Variants in FBXW11 observed in about 807,000 individuals in gnomAD.
FBXW11 encodes the protein F-box and WD repeat domain containing 11.
FBXW11 carries 19 observed loss-of-function variants against 77.6 expected under a neutral mutation model. That is an observed-to-expected ratio of 0.24 (90% CI 0.17 to 0.36). The LOEUF is 0.36. Ranked by LOEUF, FBXW11 falls within the 10% of genes least tolerant of loss-of-function variation. FBXW11 has a pLI of 1.00. For missense variants in FBXW11, 334 were observed against 704.2 expected (o/e 0.47, Z 5.95); for synonymous variants, 235 against 249.4 (o/e 0.94, Z 0.54).
intron 2 of FBXW11, among the ~76,000 whole-genome samples, chr5:171,916,842 T>C (rs891073727): frequency 6.6e-6 from 1 of 152,136 alleles, no homozygotes; most frequent in African/African-American, 2.4e-5. Flanking sequence ...CCACCCCATG[T>C]CTCCAGGTAC....
intron 2 of FBXW11, among the ~76,000 whole-genome samples, chr5:171,942,042 A>C (rs73803803): frequency 0.03 from 4,577 of 151,628 alleles, 208 homozygotes; most frequent in African/African-American, 0.1. Context: ...TTATTTTGAG[A>C]TAGTCTCAAG....
chr5:171,972,729 G>C (rs569814798), intron 1 of FBXW11, among the ~76,000 whole-genome samples: 1 of 152,038 alleles, frequency 6.6e-6, no homozygotes. Context: ...ATTTTTAGTA[G>C]AGATGGGGTT....
intron 1 of FBXW11, among the ~76,000 whole-genome samples, chr5:171,984,889 A>G (rs1048473661): frequency 2.4e-4 from 37 of 152,246 alleles, no homozygotes; most frequent in African/African-American, 8.9e-4. Flanking sequence ...ACTAAGCTTT[A>G]CGGTGACGAC....
intron 3 of FBXW11, among the ~76,000 whole-genome samples, chr5:171,911,888 C>A (rs547184596): frequency 3.3e-5 from 5 of 152,194 alleles, no homozygotes; most frequent in Non-Finnish European, 7.4e-5. Context: ...AACAAAATAA[C>A]CTCAATACTT....
intron 6 of FBXW11, among the ~76,000 whole-genome samples, chr5:171,892,672 G>T (rs965597012): frequency 1.3e-5 from 2 of 152,182 alleles, no homozygotes; most frequent in African/African-American, 2.4e-5. Flanking sequence ...CATACCCAGA[G>T]CACCAGAAGA....
rs1561629897 is a variant in FBXW11 at position 171,869,156 on chromosome 5, G to A, written c.1531-360C>T. Among the ~76,000 whole-genome samples, 1 of 152,124 alleles carries A rather than the reference G, an allele frequency of 6.6e-6. No individual in the cohort carries two copies. On this transcript the variant is annotated intron_variant, in intron 12 of 13. Coordinates refer to ENST00000517395, the MANE Select transcript of FBXW11 (RefSeq NM_001378974.1). The surrounding 1 kb of genome is among the most constrained non-coding windows in gnomAD (Gnocchi z 4.1). ...AGACAGTTTGTTTTAACATGACCAG[G>A]ATCTACCTCAAATTGCTGCCAGCAT...
intron 2 of FBXW11, among the ~76,000 whole-genome samples, chr5:171,915,032 G>A (rs1051364436): frequency 2.6e-5 from 4 of 152,220 alleles, no homozygotes; most frequent in Non-Finnish European, 4.4e-5. Flanking sequence ...AAGAGGTACT[G>A]TGTAATTATT....
At chr5:171,965,517 C>T (rs1005761254) in intron 1 of FBXW11, among the ~76,000 whole-genome samples, 1 of 147,260 alleles carries the variant, frequency 6.8e-6, no homozygotes, top group Non-Finnish European at 1.5e-5. Flanking sequence ...CAGAGTGAGA[C>T]TCTTGTCTTT....
chr5:171,949,206 A>C (rs1048675881), intron 2 of FBXW11, among the ~76,000 whole-genome samples: 4 of 152,250 alleles, frequency 2.6e-5, no homozygotes, highest in South Asian at 2.1e-4. Context: ...TTGATGGCTG[A>C]TGATAATAAT....
chr5:171,924,305 G>A (rs1480616699), intron 2 of FBXW11, among the ~76,000 whole-genome samples: 1 of 152,112 alleles, frequency 6.6e-6, no homozygotes, highest in Non-Finnish European at 1.5e-5. Flanking sequence ...CCCAGAGTGA[G>A]AATTTCTATT....
chr5:171,966,871 C>G (rs936705307), intron 1 of FBXW11, among the ~76,000 whole-genome samples: 1 of 152,144 alleles, frequency 6.6e-6, no homozygotes, highest in Non-Finnish European at 1.5e-5. Context: ...ATGGCTATAC[C>G]GTACTCATTA....
intron 2 of FBXW11, among the ~76,000 whole-genome samples, chr5:171,936,094 G>A (rs1261426190): frequency 2.5e-5 from 3 of 121,934 alleles, no homozygotes; most frequent in Non-Finnish European, 3.2e-5. Context: ...CTGGGCAGCA[G>A]AGCTAGACTC....
At position 171,868,469 on chromosome 5, in the gene FBXW11, T is replaced by C; in HGVS notation, c.*25+141A>G. ...TGGATGTGACTATAAAGATCCAGCC[T>C]TACACTTGAACTCTGCAAAAGTTGA... On this transcript the variant is annotated intron_variant, in intron 13 of 13. Coordinates refer to ENST00000517395, the MANE Select transcript of FBXW11 (RefSeq NM_001378974.1). 3.3e-6 allele frequency: 2 copies of C among 597,868 alleles called. 1 individual carries two copies. Among genetic ancestry groups the C allele is most frequent in the South Asian group, 5.3e-5 (2 of 37,728 alleles). 37.0% of individuals were successfully genotyped at this position (597,868 alleles called of 1,614,324 possible).
chr5:172,003,880 C>T (rs191147769), intron 1 of FBXW11, among the ~76,000 whole-genome samples: 24 of 152,278 alleles, frequency 1.6e-4, no homozygotes, highest in African/African-American at 5.8e-4. Flanking sequence ...TTTAATACAG[C>T]ACACTTTGGA....
chr5:171,958,317 C>A (rs1299070637), intron 1 of FBXW11, among the ~76,000 whole-genome samples: 1 of 152,124 alleles, frequency 6.6e-6, no homozygotes, highest in East Asian at 1.9e-4. Context: ...ACTTATATCA[C>A]CCCAACTTTT....
At chr5:171,926,913 C>T (rs1761919796) in intron 2 of FBXW11, among the ~76,000 whole-genome samples, 1 of 152,140 alleles carries the variant, frequency 6.6e-6, no homozygotes, top group Admixed American at 6.5e-5. Context: ...TAGCTACACA[C>T]TTCAGTGCAG....
chr5:171,940,508 G>C (rs996151673), intron 2 of FBXW11, among the ~76,000 whole-genome samples: 1 of 152,098 alleles, frequency 6.6e-6, no homozygotes, highest in African/African-American at 2.4e-5. Context: ...TGGTTCCAAG[G>C]CTGAGAGTGG....
Position 171,911,735 on chromosome 5 carries a change from C to T in FBXW11, c.211-938G>A, listed in dbSNP as rs537316791. On this transcript the variant is annotated intron_variant, in intron 3 of 13. Transcript: ENST00000517395. ...ACAATGCATTTCTCATCAAATCTTCCTACAAGTCCTTACATAAAATCAGTA... is the reference window on the plus strand; with the variant it reads ...ACAATGCATTTCTCATCAAATCTTCTTACAAGTCCTTACATAAAATCAGTA... Among the ~76,000 whole-genome samples the T allele has an allele frequency of 3.8e-4, 58 of 152,292 alleles. 3 individuals carry two copies. The South Asian group carries it at 0.011, about 28-fold the overall frequency.
chr5:171,996,942 T>C, intron 1 of FBXW11: 2 of 1,289,644 alleles, frequency 1.6e-6, no homozygotes, highest in Non-Finnish European at 2.0e-6. Context: ...ATGGGGGTTT[T>C]CCCTTTCAGA....
Sources: gnomAD v4.1 joint callset for allele counts (sites outside exome capture counted in the v4.1 genomes callset) on GRCh38, gnomAD v4.1.1 for gene constraint, Gnocchi (gnomAD v3.1) non-coding constraint, MANE v1.5 for transcripts, NCBI Gene and HGNC (gene_info 2026-07-23, HGNC 2026-07-21) for gene names.